The following KIF16B variants were observed in gnomAD, a reference collection of about 807,000 sequenced individuals.
KIF16B encodes the protein kinesin family member 16B, also known as kinesin-like protein KIF16B.
Under a neutral mutation model 156.3 loss-of-function variants are expected in KIF16B, and 98 were observed. The ratio of observed to expected loss-of-function variants is 0.63; its 90% CI spans 0.53 to 0.74. KIF16B has a LOEUF of 0.74. KIF16B is among the 30% of genes least tolerant of loss of function. The pLI is 0.00. For synonymous variants in KIF16B, 564 were observed against 583.7 expected (o/e 0.97, Z 0.49); for missense variants, 1,421 against 1,606.5 (o/e 0.88, Z 1.97).
intron 12 of KIF16B, among the ~76,000 whole-genome samples, chr20:16,430,899 AT>A (rs1568973773): frequency 6.6e-6 from 1 of 151,770 alleles, no homozygotes; most frequent in Non-Finnish European, 1.5e-5. Context: ...AGCTATGGAG[AT>A]GTCAAACAGG....
intron 1 of KIF16B, among the ~76,000 whole-genome samples, chr20:16,561,869 T>C (rs1216786992): frequency 6.6e-6 from 1 of 152,124 alleles, no homozygotes; most frequent in Non-Finnish European, 1.5e-5. Context: ...ATTAAGGTTA[T>C]GAAAAACAAG....
chr20:16,490,916 A>G (rs2068270179), intron 12 of KIF16B, among the ~76,000 whole-genome samples: 1 of 152,196 alleles, frequency 6.6e-6, no homozygotes, highest in South Asian at 2.1e-4. Flanking sequence ...TCGCGGAATG[A>G]TAATGAGACA....
At chr20:16,303,382 A>C (rs568590421) in intron 25 of KIF16B, among the ~76,000 whole-genome samples, 3 of 152,322 alleles carry the variant, frequency 2.0e-5, no homozygotes, top group African/African-American at 7.2e-5. Flanking sequence ...TACTTTTTAC[A>C]TACCATTCTC....
chr20:16,539,262 C>A (rs545485392), intron 1 of KIF16B, among the ~76,000 whole-genome samples: 2 of 152,172 alleles, frequency 1.3e-5, no homozygotes, highest in African/African-American at 2.4e-5. Flanking sequence ...AGGAAAAGTT[C>A]GGAATTTCCT....
At chr20:16,489,185 AAT>A (rs2068211444) in intron 12 of KIF16B, among the ~76,000 whole-genome samples, 1 of 152,114 alleles carries the variant, frequency 6.6e-6, no homozygotes, top group South Asian at 2.1e-4. Context: ...CTGCTACCAC[AAT>A]GGGCTGGTCC....
intron 11 of KIF16B, among the ~76,000 whole-genome samples, chr20:16,496,804 T>C (rs1028792996): frequency 1.3e-5 from 2 of 152,212 alleles, no homozygotes; most frequent in African/African-American, 4.8e-5. Flanking sequence ...TTACTGAGGC[T>C]ATTATCAGGA....
At position 16,382,224 on chromosome 20, in the gene KIF16B, G is replaced by A. The variant is rs2065115740; in HGVS notation, c.1785-477C>T. ...AATAGGAAGGAATATCAGGAGAAAAGCAGTAAGGTACTTAAAAGGCAATAG... is the reference window on the plus strand; with the variant it reads ...AATAGGAAGGAATATCAGGAGAAAAACAGTAAGGTACTTAAAAGGCAATAG... On this transcript the variant is annotated intron_variant, in intron 17 of 25. Transcript: ENST00000354981. The A allele has an allele frequency of 1.2e-5, 9 of 722,206 alleles. No individual in the cohort carries two copies. The Admixed American group carries it at 3.0e-4, about 24-fold the overall frequency. The allele number at this position is 722,206 out of a possible 1,614,324, so 44.7% of individuals were successfully genotyped here.
At chr20:16,367,254 G>C in intron 22 of KIF16B, 2 of 1,612,832 alleles carry the variant, frequency 1.2e-6, no homozygotes, top group Non-Finnish European at 1.7e-6. Context: ...GATACAATGG[G>C]GTGGTGAACA....
At chr20:16,463,949 C>T (rs1321455389) in intron 12 of KIF16B, among the ~76,000 whole-genome samples, 1 of 152,156 alleles carries the variant, frequency 6.6e-6, no homozygotes, top group East Asian at 1.9e-4. Context: ...CTTTCAATCT[C>T]CTCAACTCTT....
At position 16,273,053 on chromosome 20, in the gene KIF16B, G is replaced by A; in HGVS notation, c.*200C>T. 3 of 576,560 alleles carry A rather than the reference G, an allele frequency of 5.2e-6. No homozygotes were observed. Among genetic ancestry groups the A allele is most frequent in the Non-Finnish European group, 9.3e-6 (3 of 322,452 alleles). 35.7% of individuals were successfully genotyped at this position (576,560 alleles called of 1,614,324 possible). A position where few individuals can be genotyped will look rare whatever the true frequency, so the allele number is the denominator to read the frequency against. On this transcript the variant is annotated 3_prime_UTR_variant, in exon 26 of 26. Transcript: ENST00000354981. ...GGAACGGTAACGGCTGCCTGTCAGG[G>A]CCACATCAGCAGGCAGAGCATCCCA...
chr20:16,429,974 A>T lies in KIF16B; in HGVS notation c.1311T>A (p.Thr437=). ...CAATCCCTTCTTTCCTGAGGGCTAG[A>T]GTTTGTTCCTGAAATTAAGAGGAAA... ...NETQNILKEQ[T]LALRKEGIGV... The change falls in exon 13 of 26, where the codon ACT becomes ACA. Residue 437 remains threonine, a synonymous_variant. Coordinates refer to ENST00000354981, the MANE Select transcript of KIF16B (RefSeq NM_024704.5). 6.2e-7 allele frequency: 1 copy of T among 1,600,256 alleles called. No homozygotes were observed. The highest frequency in any genetic ancestry group is 8.5e-7 in the Non-Finnish European group (1 of 1,176,276).
At chr20:16,407,649 T>C (rs2065820205) in intron 15 of KIF16B, among the ~76,000 whole-genome samples, 1 of 152,098 alleles carries the variant, frequency 6.6e-6, no homozygotes, top group Non-Finnish European at 1.5e-5. Context: ...GAGAGAATCA[T>C]GTCCATCCAA....
chr20:16,419,868 G>GA (rs1394144688), intron 15 of KIF16B, among the ~76,000 whole-genome samples: 2 of 151,880 alleles, frequency 1.3e-5, no homozygotes, highest in Non-Finnish European at 2.9e-5. Flanking sequence ...ATATAAAACA[G>GA]AAAAAAGAAA....
At chr20:16,412,855 A>T (rs1397876563) in intron 15 of KIF16B, among the ~76,000 whole-genome samples, 1 of 152,136 alleles carries the variant, frequency 6.6e-6, no homozygotes, top group Non-Finnish European at 1.5e-5. Context: ...CTTAAAATGC[A>T]ATAAGCAAAC....
chr20:16,374,480 T>A, intron 19 of KIF16B, 71 bp from the exon 20 acceptor site: 9 of 1,348,528 alleles, frequency 6.7e-6, no homozygotes, highest in Non-Finnish European at 8.8e-6. Flanking sequence ...TGTGAGACAT[T>A]GCTTTAGATA....
At chr20:16,573,008 T>G (rs528204686) in intron 1 of KIF16B, among the ~76,000 whole-genome samples, 1 of 152,130 alleles carries the variant, frequency 6.6e-6, no homozygotes, top group Non-Finnish European at 1.5e-5. Flanking sequence ...AGAGAGTTAA[T>G]AGAATCTTCT....
intron 13 of KIF16B, among the ~76,000 whole-genome samples, chr20:16,429,511 TAATTGCCACCAGG>T (rs2066444220): frequency 6.6e-6 from 1 of 152,168 alleles, no homozygotes; most frequent in Admixed American, 6.5e-5. Context: ...CACAATTTTA[TAATTGCCACCAGG>T]GACCAGGAAA....
At chr20:16,422,476 G>A (rs1241872164) in intron 15 of KIF16B, among the ~76,000 whole-genome samples, 1 of 152,094 alleles carries the variant, frequency 6.6e-6, no homozygotes, top group Non-Finnish European at 1.5e-5. Context: ...GCTATGGGTG[G>A]TGGGAGCTCC....
chr20:16,367,266 CTGGACATT>C (rs769894115), intron 22 of KIF16B: 1 of 1,612,822 alleles, frequency 6.2e-7, no homozygotes, highest in Non-Finnish European at 8.5e-7. Flanking sequence ...TGGTGAACAA[CTGGACATT>C]TGGGGCTTCC....
Sources: allele counts gnomAD v4.1 joint callset (sites outside exome capture counted in the v4.1 genomes callset), GRCh38; gene constraint gnomAD v4.1.1; transcripts MANE v1.5; gene names NCBI Gene and HGNC (gene_info 2026-07-23, HGNC 2026-07-21).